Variants in MAP2 observed in about 807,000 individuals in gnomAD.
MAP2 encodes the protein microtubule associated protein 2, also known as microtubule-associated protein 2.
In MAP2, 14 loss-of-function variants were observed where a neutral mutation model predicts 137.6. The ratio of observed to expected loss-of-function variants is 0.10; its 90% CI spans 0.07 to 0.16. The LOEUF is 0.16. MAP2 is among the 10% of genes least tolerant of loss of function. The pLI, the probability that MAP2 is intolerant of heterozygous loss-of-function variation, is 1.00. For missense variants in MAP2, 2,088 were observed against 2,191.5 expected (o/e 0.95, Z 0.94); for synonymous variants, 786 against 782.3 (o/e 1.00, Z -0.08).
chr2:209,650,222 C>T (rs2094694039), intron 4 of MAP2, among the ~76,000 whole-genome samples: 1 of 152,176 alleles, frequency 6.6e-6, no homozygotes, highest in Non-Finnish European at 1.5e-5. Flanking sequence ...GACTAAAGTA[C>T]AAACCTAAAT....
chr2:209,428,670 A>C (rs1476323417), intron 1 of MAP2, among the ~76,000 whole-genome samples: 2 of 151,734 alleles, frequency 1.3e-5, no homozygotes, highest in Non-Finnish European at 2.9e-5. Flanking sequence ...CTCCTTCTCA[A>C]GGCTCCATCC....
At chr2:209,492,420 GT>G (rs1559231731) in intron 1 of MAP2, among the ~76,000 whole-genome samples, 39 of 152,138 alleles carry the variant, frequency 2.6e-4, no homozygotes, top group Non-Finnish European at 1.5e-5. Context: ...ATTTAACATA[GT>G]ATTAGAAGTT....
At position 209,623,853 on chromosome 2, in the gene MAP2, T is replaced by G. The variant is rs137909092; in HGVS notation, c.-106-1200T>G. On this transcript the variant is annotated intron_variant, in intron 3 of 15. Coordinates refer to ENST00000682079, the MANE Select transcript of MAP2 (RefSeq NM_001375505.1). The stretch of plus-strand genomic sequence containing the variant: ...AGGGAATGGAGAATTCTACCATGTT[T>G]CTTCTTGCCTGCAGACATTTTTAAA... Among the ~76,000 whole-genome samples, 9 of 152,320 alleles carry G rather than the reference T, an allele frequency of 5.9e-5. No individual in the cohort carries two copies. In the East Asian group the frequency reaches 1.7e-3, roughly 29 times the overall value.
At chr2:209,604,003 C>T (rs1350241658) in intron 3 of MAP2, among the ~76,000 whole-genome samples, 1 of 152,064 alleles carries the variant, frequency 6.6e-6, no homozygotes, top group Non-Finnish European at 1.5e-5. Flanking sequence ...CTTGCTGACC[C>T]GCAGCAGGTC....
At chr2:209,558,298 C>T (rs942569566) in intron 2 of MAP2, among the ~76,000 whole-genome samples, 1 of 152,128 alleles carries the variant, frequency 6.6e-6, no homozygotes, top group African/African-American at 2.4e-5. Flanking sequence ...AAGCAATTCT[C>T]CTGCCTCAGC....
chr2:209,438,488 G>A (rs1331214119), intron 1 of MAP2, among the ~76,000 whole-genome samples: 1 of 151,558 alleles, frequency 6.6e-6, no homozygotes, highest in Non-Finnish European at 1.5e-5. Flanking sequence ...TAACTCCACC[G>A]ATTTTATTCA....
intron 3 of MAP2, among the ~76,000 whole-genome samples, chr2:209,599,907 T>C (rs1425101742): frequency 6.6e-6 from 1 of 152,194 alleles, no homozygotes; most frequent in Admixed American, 6.5e-5. Flanking sequence ...AGGGGGTTAA[T>C]GAAGATAATT....
At chr2:209,666,635 G>A (rs571978219) in intron 5 of MAP2, among the ~76,000 whole-genome samples, 2 of 152,072 alleles carry the variant, frequency 1.3e-5, no homozygotes, top group African/African-American at 4.8e-5. Flanking sequence ...CTATTTTGGT[G>A]ACACAGGTTT....
intron 2 of MAP2, among the ~76,000 whole-genome samples, chr2:209,566,464 C>T (rs571521253): frequency 6.6e-6 from 1 of 152,334 alleles, no homozygotes; most frequent in South Asian, 2.1e-4. Flanking sequence ...GCCTGCTTCA[C>T]CTGTCAGACT....
At chr2:209,664,110 G>T (rs181303943) in intron 5 of MAP2, among the ~76,000 whole-genome samples, 87 of 152,286 alleles carry the variant, frequency 5.7e-4, no homozygotes, top group Admixed American at 3.7e-3. Flanking sequence ...GAGGTTACTT[G>T]TTATTTGTTT....
intron 1 of MAP2, among the ~76,000 whole-genome samples, chr2:209,466,485 C>G (rs1238915688): frequency 1.3e-5 from 2 of 152,054 alleles, no homozygotes; most frequent in Non-Finnish European, 2.9e-5. Context: ...ATGAAGTGGT[C>G]AGATCACATT....
At chr2:209,647,243 C>T (rs2094477372) in intron 4 of MAP2, among the ~76,000 whole-genome samples, 3 of 152,124 alleles carry the variant, frequency 2.0e-5, no homozygotes, top group African/African-American at 4.8e-5. Flanking sequence ...TATCAGTCCC[C>T]ACCTCCAACA....
intron 3 of MAP2, among the ~76,000 whole-genome samples, chr2:209,623,260 A>G (rs1186875822): frequency 2.6e-5 from 4 of 152,186 alleles, no homozygotes; most frequent in Non-Finnish European, 4.4e-5. Context: ...GGGAGTGGCT[A>G]TGTGCCAAAA....
intron 1 of MAP2, among the ~76,000 whole-genome samples, chr2:209,467,764 C>G (rs1704519802): frequency 1.3e-5 from 2 of 152,162 alleles, no homozygotes; most frequent in Admixed American, 6.5e-5. Flanking sequence ...AGGGCTCAAT[C>G]TCTCTTCTCC....
intron 2 of MAP2, among the ~76,000 whole-genome samples, chr2:209,541,577 A>G (rs1265510137): frequency 1.4e-5 from 2 of 144,490 alleles, no homozygotes; most frequent in Non-Finnish European, 2.9e-5. Flanking sequence ...TTTGGAGTCA[A>G]TCCACTCAAA....
At chr2:209,600,108 A>C (rs1179694010) in intron 3 of MAP2, among the ~76,000 whole-genome samples, 1 of 152,198 alleles carries the variant, frequency 6.6e-6, no homozygotes, top group African/African-American at 2.4e-5. Context: ...GGAGCATTGA[A>C]GGGACTGCAC....
chr2:209,612,418 A>G (rs1018856803), intron 3 of MAP2, among the ~76,000 whole-genome samples: 9 of 152,210 alleles, frequency 5.9e-5, no homozygotes, highest in African/African-American at 2.2e-4. Context: ...CTTCTAAAAT[A>G]TCTTCACAGT....
intron 14 of MAP2, 140 bp from the exon 15 acceptor site, chr2:209,729,710 T>C: frequency 1.6e-6 from 1 of 607,840 alleles, no homozygotes; most frequent in South Asian, 2.0e-5. Context: ...TCTAAAAGAC[T>C]CTTTTTACAT....
Position 209,693,644 on chromosome 2 carries a change from G to A in MAP2, c.1474G>A (p.Asp492Asn). Reference sequence around the variant, plus strand: ...ACAGAAAGACCAAGAGCCTACCACAGATATGTTGAAACAGGACTCGTTCCC... The same window carrying A: ...ACAGAAAGACCAAGAGCCTACCACAAATATGTTGAAACAGGACTCGTTCCC... ...SEQKDQEPTT[D>N]MLKQDSFPVS... is the part of the protein sequence containing the mutation. Residue 492 changes from aspartate to asparagine, a missense_variant, in exon 8 of 16, where the codon GAT (aspartate) becomes AAT (asparagine). Transcript: ENST00000682079. The A allele has an allele frequency of 1.2e-6, 2 of 1,613,924 alleles. No homozygotes were observed. Among genetic ancestry groups the A allele is most frequent in the Non-Finnish European group, 1.7e-6 (2 of 1,180,000 alleles).
Sources: allele counts gnomAD v4.1 joint callset (sites outside exome capture counted in the v4.1 genomes callset), GRCh38; gene constraint gnomAD v4.1.1; transcripts MANE v1.5; gene names NCBI Gene and HGNC (gene_info 2026-07-23, HGNC 2026-07-21).